Variants in NUP35 observed in about 807,000 individuals in gnomAD.
NUP35 encodes nucleoporin 35.
In NUP35, 25 loss-of-function variants were observed where a neutral mutation model predicts 41.5. The ratio of observed to expected loss-of-function variants is 0.60; its 90% confidence interval spans 0.44 to 0.84. NUP35 has a LOEUF of 0.84. Ranked by LOEUF, NUP35 falls within the 40% of genes least tolerant of loss-of-function variation. The pLI is 0.00. For missense variants in NUP35, 396 were observed against 396.6 expected (o/e 1.00, Z 0.01); for synonymous variants, 149 against 130.7 (o/e 1.14, Z -0.96).
intron 8 of NUP35, 71 bp from the exon 9 acceptor site, chr2:183,160,983 A>T: frequency 9.1e-7 from 1 of 1,101,596 alleles, no homozygotes; most frequent in Non-Finnish European, 1.4e-6. Context: ...TTAAATGAGC[A>T]ATTCTAGAAT....
At chr2:183,118,474 T>C (rs1304427630) in intron 1 of NUP35, 1 of 152,248 alleles carries the variant, frequency 6.6e-6, no homozygotes. Flanking sequence ...TGTGCAGTTA[T>C]GATTTTTAAA....
intron 4 of NUP35, among the ~76,000 whole-genome samples, chr2:183,147,334 G>A (rs1409593466): frequency 6.6e-6 from 1 of 152,092 alleles, no homozygotes; most frequent in African/African-American, 2.4e-5. Context: ...TGTAGTTTGA[G>A]GTCTTACATT....
At chr2:183,151,687 C>A (rs1490431865) in intron 5 of NUP35, 38 bp downstream of exon 5, 1 of 1,577,276 alleles carries the variant, frequency 6.3e-7, no homozygotes, top group Admixed American at 1.9e-5. Context: ...AAAAACCCCA[C>A]CCTAACATTT....
Position 183,142,564 on chromosome 2 carries a change from C to G in NUP35, c.397+8941C>G, listed in dbSNP as rs550060092. Among the ~76,000 whole-genome samples, 6 of 151,986 alleles carry G rather than the reference C, an allele frequency of 3.9e-5. No individual in the cohort carries two copies. The South Asian group carries it at 1.3e-3, about 32-fold the overall frequency. ...TGGCACAATCTCGGCTCACTGCAACCTGCCTCCCCAGGTTCAAGTGATTCT... is the reference window on the plus strand; with the variant it reads ...TGGCACAATCTCGGCTCACTGCAACGTGCCTCCCCAGGTTCAAGTGATTCT... On this transcript the variant is annotated intron_variant, in intron 4 of 8. Coordinates refer to ENST00000295119, the MANE Select transcript of NUP35 (RefSeq NM_138285.5).
At chr2:183,138,267 A>ATT (rs1314190972) in intron 4 of NUP35, among the ~76,000 whole-genome samples, 91 of 74,020 alleles carry the variant, frequency 1.2e-3, no homozygotes, top group African/African-American at 4.7e-3. Context: ...ATATATATAT[A>ATT]TATTTTTTTT....
intron 1 of NUP35, among the ~76,000 whole-genome samples, chr2:183,125,885 A>G (rs1443616119): frequency 1.3e-5 from 2 of 152,242 alleles, no homozygotes; most frequent in African/African-American, 2.4e-5. Flanking sequence ...AGAATATGAA[A>G]TGGAATTGAG....
At chr2:183,155,323 TGAA>T (rs970630234) in intron 5 of NUP35, among the ~76,000 whole-genome samples, 1 of 152,248 alleles carries the variant, frequency 6.6e-6, no homozygotes, top group African/African-American at 2.4e-5. Flanking sequence ...GAATGTACAA[TGAA>T]GTTTTCCCTT....
At chr2:183,121,367 G>T (rs923532308), upstream of NUP35, among the ~76,000 whole-genome samples, 3 of 152,092 alleles carry the variant, frequency 2.0e-5, no homozygotes, top group Non-Finnish European at 2.9e-5. Flanking sequence ...TGAAATGAGA[G>T]AGAAATTAGC....
At chr2:183,136,843 A>G (rs1003138295) in intron 4 of NUP35, among the ~76,000 whole-genome samples, 19 of 152,018 alleles carry the variant, frequency 1.2e-4, no homozygotes, top group African/African-American at 4.3e-4. Context: ...TAATCCCAGC[A>G]CTTTAGGAGG....
intron 4 of NUP35, among the ~76,000 whole-genome samples, chr2:183,148,155 T>TGAGATG (rs1219434198): frequency 2.0e-5 from 3 of 152,256 alleles, no homozygotes; most frequent in Admixed American, 6.5e-5. Flanking sequence ...TTTAAATGGC[T>TGAGATG]GAATAATATT....
chr2:183,131,037 A>G, intron 3 of NUP35: 1 of 575,178 alleles, frequency 1.7e-6, no homozygotes, highest in Non-Finnish European at 2.9e-6. Context: ...GCTAGAGTGC[A>G]GCGGCACAGT....
chr2:183,121,497 G>T (rs1321663046), upstream of NUP35, among the ~76,000 whole-genome samples: 1 of 152,012 alleles, frequency 6.6e-6, no homozygotes, highest in East Asian at 1.9e-4. Context: ...GTAAAGAAAA[G>T]AAAATAAATG....
At chr2:183,155,454 G>A (rs1157688903) in intron 5 of NUP35, among the ~76,000 whole-genome samples, 2 of 152,040 alleles carry the variant, frequency 1.3e-5, no homozygotes, top group African/African-American at 4.8e-5. Context: ...TAAAAAGCGG[G>A]TCATTGCATT....
At chr2:183,136,779 A>G (rs1245972334) in intron 4 of NUP35, among the ~76,000 whole-genome samples, 4 of 152,200 alleles carry the variant, frequency 2.6e-5, no homozygotes, top group Non-Finnish European at 5.9e-5. Flanking sequence ...CAGTCAAACC[A>G]GGGGACAGAA....
At chr2:183,133,544 A>G (rs769253415) in intron 3 of NUP35, 22 bp from the exon 4 acceptor site, 1 of 1,591,260 alleles carries the variant, frequency 6.3e-7, no homozygotes, top group Non-Finnish European at 8.5e-7. Flanking sequence ...TTTTACCATA[A>G]CACTTTCTTC....
chr2:183,148,570 T>C (rs768021717), intron 4 of NUP35, among the ~76,000 whole-genome samples: 2 of 152,228 alleles, frequency 1.3e-5, no homozygotes, highest in Non-Finnish European at 2.9e-5. Flanking sequence ...CATTTTTTCA[T>C]ATACCTCTTA....
At chr2:183,134,343 T>G (rs1684804678) in intron 4 of NUP35, among the ~76,000 whole-genome samples, 1 of 152,126 alleles carries the variant, frequency 6.6e-6, no homozygotes, top group African/African-American at 2.4e-5. Context: ...ACAAGTAAAT[T>G]ATAACATTTG....
intron 2 of NUP35, 63 bp downstream of exon 2, chr2:183,128,520 G>A: frequency 7.6e-7 from 1 of 1,318,196 alleles, no homozygotes; most frequent in Admixed American, 2.1e-5. Flanking sequence ...CAATTTTTTG[G>A]CTTCCCTGAA....
chr2:183,141,416 G>A (rs549036943), intron 4 of NUP35, among the ~76,000 whole-genome samples: 4 of 152,280 alleles, frequency 2.6e-5, no homozygotes, highest in Admixed American at 6.5e-5. Flanking sequence ...AGCCAGCCAC[G>A]TCATCATATT....
Sources: gnomAD v4.1 joint callset for allele counts (sites outside exome capture counted in the v4.1 genomes callset) on GRCh38, gnomAD v4.1.1 for gene constraint, MANE v1.5 for transcripts, NCBI Gene and HGNC (gene_info 2026-07-23, HGNC 2026-07-21) for gene names.